The following CCSER1 variants were observed in gnomAD, a reference collection of about 807,000 sequenced individuals.
The protein encoded by CCSER1 is serine-rich coiled-coil domain-containing protein 1.
CCSER1 carries 41 observed loss-of-function variants against 82.0 expected under a neutral mutation model. That is an observed-to-expected ratio of 0.50 (90% CI 0.39 to 0.65). The LOEUF (loss-of-function observed/expected upper bound fraction) is 0.65, where lower values mean the gene tolerates loss of function less well. Among genes scored for constraint, CCSER1 ranks in the 30% least tolerant of loss-of-function variants. The pLI is 0.00. For missense variants in CCSER1, 1,119 were observed against 1,064.2 expected, an observed-to-expected ratio of 1.05 and a Z score of -0.72; for synonymous variants, 414 against 383.9, an observed-to-expected ratio of 1.08 and a Z score of -0.92.
intron 10 of CCSER1, among the ~76,000 whole-genome samples, chr4:91,502,423 C>G (rs1251431440): frequency 6.6e-6 from 1 of 152,072 alleles, no homozygotes; most frequent in Non-Finnish European, 1.5e-5. Flanking sequence ...GAAATTAAAT[C>G]AAACATATTC....
intron 10 of CCSER1, among the ~76,000 whole-genome samples, chr4:91,415,475 T>A (rs1753305103): frequency 6.6e-6 from 1 of 152,164 alleles, no homozygotes; most frequent in Non-Finnish European, 1.5e-5. Context: ...AGGGAGGGCA[T>A]CCTTGTCTTG....
intron 9 of CCSER1, among the ~76,000 whole-genome samples, chr4:91,029,441 G>A (rs1294718888): frequency 2.6e-5 from 4 of 151,884 alleles, no homozygotes; most frequent in Admixed American, 6.6e-5. Context: ...AAAAGCAGGG[G>A]GAATGAGATC....
chr4:91,402,291 T>A (rs1752394028), intron 10 of CCSER1, among the ~76,000 whole-genome samples: 1 of 152,194 alleles, frequency 6.6e-6, no homozygotes, highest in Non-Finnish European at 1.5e-5. Context: ...ATTCTGGAAA[T>A]TAGCCTTTTG....
At chr4:91,149,093 C>T (rs1366698466) in intron 10 of CCSER1, among the ~76,000 whole-genome samples, 1 of 152,170 alleles carries the variant, frequency 6.6e-6, no homozygotes, top group Non-Finnish European at 1.5e-5. Flanking sequence ...TTTACAGTCC[C>T]ACCAACAGTG....
chr4:90,224,655 C>G lies in CCSER1; in HGVS notation c.-41-83589C>G, dbSNP rs962620062. On this transcript the variant is annotated intron_variant, in intron 1 of 10. Transcript: ENST00000509176. ...ACTTCACACTGATTTAAGATACATT[C>G]GATGGAAGAAGAGATTTCTGGCTTT... Among the ~76,000 whole-genome samples, 4 of 152,090 alleles carry G rather than the reference C, an allele frequency of 2.6e-5. No homozygotes were observed. In the East Asian group the frequency reaches 7.7e-4, roughly 29 times the overall value.
intron 8 of CCSER1, among the ~76,000 whole-genome samples, chr4:90,898,164 T>A (rs1724004878): frequency 1.3e-5 from 2 of 151,644 alleles, no homozygotes; most frequent in Admixed American, 1.3e-4. Context: ...TTTTGAGTTC[T>A]TTATCATAAA....
chr4:90,567,645 A>G (rs1779570981), intron 5 of CCSER1, among the ~76,000 whole-genome samples: 2 of 137,028 alleles, frequency 1.5e-5, no homozygotes. Context: ...TTACTCTGTC[A>G]CCCAGGCTCT....
At position 91,421,472 on chromosome 4, in the gene CCSER1, A is replaced by G. The variant is rs148183854; in HGVS notation, c.2218-177100A>G. 1.2e-3 allele frequency among the ~76,000 whole-genome samples: 187 copies of G among 152,270 alleles called. 1 individual carries two copies. The highest frequency in any genetic ancestry group is 3.8e-3 in the African/African-American group (159 of 41,542). ...CAGGCAGAAGAAGATGGATGTCCCA[A>G]CTTTGGAAAAGATGGCTAATTTGTC... On this transcript the variant is annotated intron_variant, in intron 10 of 10. Coordinates refer to ENST00000509176, the MANE Select transcript of CCSER1 (RefSeq NM_001145065.2).
At chr4:90,498,687 G>A (rs1221924963) in intron 5 of CCSER1, among the ~76,000 whole-genome samples, 1 of 152,110 alleles carries the variant, frequency 6.6e-6, no homozygotes, top group Non-Finnish European at 1.5e-5. Flanking sequence ...TCTAAGTCTT[G>A]TCTGTGTTTT....
At chr4:91,014,983 G>GT (rs372623799) in intron 9 of CCSER1, among the ~76,000 whole-genome samples, 3,214 of 113,886 alleles carry the variant, frequency 0.028, 117 homozygotes, top group African/African-American at 0.08. Flanking sequence ...CTTCAAAATT[G>GT]TTTTTTTTTA....
intron 10 of CCSER1, among the ~76,000 whole-genome samples, chr4:91,476,706 C>A (rs190744314): frequency 0.012 from 1,788 of 151,132 alleles, 16 homozygotes; most frequent in African/African-American, 0.022. Context: ...ACAAAAAAAA[C>A]CCCATAGACA....
chr4:90,271,860 A>ATC (rs1272251694), intron 1 of CCSER1, among the ~76,000 whole-genome samples: 1 of 22,258 alleles, frequency 4.5e-5, no homozygotes, highest in Non-Finnish European at 6.4e-5. Context: ...ATATATATAT[A>ATC]TATTTTTTTT....
intron 5 of CCSER1, among the ~76,000 whole-genome samples, chr4:90,604,985 G>A (rs945642911): frequency 8.2e-5 from 12 of 146,972 alleles, no homozygotes; most frequent in African/African-American, 3.2e-4. Flanking sequence ...AGCCAGCAGC[G>A]GCAACTGAGT....
chr4:91,156,188 T>C (rs1730803375), intron 10 of CCSER1, among the ~76,000 whole-genome samples: 1 of 151,780 alleles, frequency 6.6e-6, no homozygotes, highest in Non-Finnish European at 1.5e-5. Context: ...TCATTATATC[T>C]ACTATTGTAT....
intron 1 of CCSER1, among the ~76,000 whole-genome samples, chr4:90,247,657 C>T (rs72877722): frequency 0.045 from 6,822 of 151,966 alleles, 397 homozygotes; most frequent in African/African-American, 0.13. Context: ...AGAATGGAAG[C>T]GACCATCTTA....
intron 3 of CCSER1, among the ~76,000 whole-genome samples, chr4:90,327,016 T>G (rs1304489648): frequency 6.6e-6 from 1 of 152,196 alleles, no homozygotes; most frequent in African/African-American, 2.4e-5. Flanking sequence ...CCAAAAGCAG[T>G]ATATAGATAA....
In CCSER1 at chr4:90,345,129, A is replaced by T. The variant is rs1742098369; in HGVS notation, c.1509+32082A>T. On this transcript the variant is annotated intron_variant, in intron 3 of 10. Coordinates refer to ENST00000509176, the MANE Select transcript of CCSER1 (RefSeq NM_001145065.2). ...AAAACTAAATATAATTTTACCAATG[A>T]TGATGACATTTAAGAATACACGTTT... Among the ~76,000 whole-genome samples the T allele has an allele frequency of 2.0e-5, 3 of 152,276 alleles. No homozygotes were observed. In the South Asian group the frequency reaches 6.2e-4, roughly 32 times the overall value.
Position 91,084,355 on chromosome 4 carries a change from G to A in CCSER1, c.2173-1595G>A, listed in dbSNP as rs549734702. Among the ~76,000 whole-genome samples the A allele has an allele frequency of 1.2e-4, 18 of 152,248 alleles. 1 individual carries two copies. The South Asian group carries it at 3.5e-3, about 30-fold the overall frequency. ...TGTGCCTGGCCCTTTGCTAAATGCT[G>A]TTACATATAATATCTCATTTAATCT... On this transcript the variant is annotated intron_variant, in intron 9 of 10. Transcript: ENST00000509176.
intron 5 of CCSER1, among the ~76,000 whole-genome samples, chr4:90,497,719 G>A (rs560417607): frequency 7.2e-5 from 11 of 152,262 alleles, no homozygotes; most frequent in African/African-American, 2.6e-4. Flanking sequence ...CACTAACGTT[G>A]CATAACAAAC....
Sources: gnomAD v4.1 joint callset for allele counts (sites outside exome capture counted in the v4.1 genomes callset) on GRCh38, gnomAD v4.1.1 for gene constraint, MANE v1.5 for transcripts, NCBI Gene and HGNC (gene_info 2026-07-23, HGNC 2026-07-21) for gene names.